The following RIMS2 variants were observed in gnomAD, a reference collection of about 807,000 sequenced individuals.
The protein encoded by RIMS2 is regulating synaptic membrane exocytosis 2.
Under a neutral mutation model 174.4 loss-of-function variants are expected in RIMS2, and 59 were observed. That is an observed-to-expected ratio of 0.34 (90% CI 0.27 to 0.42). The LOEUF is 0.42. RIMS2 is among the 10% of genes least tolerant of loss of function. The pLI is 1.00. For synonymous variants in RIMS2, 606 were observed against 572.5 expected (o/e 1.06, Z -0.84); for missense variants, 1,620 against 1,666.3 (o/e 0.97, Z 0.48).
chr8:103,946,451 C>G (rs1407721993), intron 14 of RIMS2, among the ~76,000 whole-genome samples: 1 of 152,070 alleles, frequency 6.6e-6, no homozygotes, highest in Non-Finnish European at 1.5e-5. Flanking sequence ...AAAATCATGC[C>G]ACTGCACTCC....
At chr8:103,916,739 T>C (rs1186080068) in intron 8 of RIMS2, among the ~76,000 whole-genome samples, 1 of 152,130 alleles carries the variant, frequency 6.6e-6, no homozygotes, top group African/African-American at 2.4e-5. Context: ...GAATATATAG[T>C]TAATTACAAA....
chr8:103,600,190 G>A, intron 1 of RIMS2, among the ~76,000 whole-genome samples: 1 of 152,150 alleles, frequency 6.6e-6, no homozygotes, highest in East Asian at 1.9e-4. Flanking sequence ...TTGCATCCAT[G>A]TTGTTGCAGA....
intron 19 of RIMS2, among the ~76,000 whole-genome samples, chr8:104,106,133 T>C (rs1351277709): frequency 6.6e-6 from 1 of 151,632 alleles, no homozygotes; most frequent in Non-Finnish European, 1.5e-5. Context: ...TCTCACTATG[T>C]TACCTACCCA....
At chr8:103,884,528 A>G (rs1385843371) in intron 3 of RIMS2, among the ~76,000 whole-genome samples, 2 of 151,860 alleles carry the variant, frequency 1.3e-5, no homozygotes, top group African/African-American at 4.8e-5. Context: ...TGAGAAGGTA[A>G]TAAGCAGTTT....
chr8:104,014,001 G>C (rs1022062833), intron 18 of RIMS2, among the ~76,000 whole-genome samples: 1 of 151,934 alleles, frequency 6.6e-6, no homozygotes. Context: ...TCTTTCTATC[G>C]ATACTAATAT....
intron 19 of RIMS2, among the ~76,000 whole-genome samples, chr8:104,083,219 G>A (rs2097459573): frequency 6.6e-6 from 1 of 152,106 alleles, no homozygotes; most frequent in South Asian, 2.1e-4. Flanking sequence ...AGTTATTCAG[G>A]CTATTATTTA....
chr8:103,829,359 A>G (rs1361208178), intron 3 of RIMS2, among the ~76,000 whole-genome samples: 2 of 152,206 alleles, frequency 1.3e-5, no homozygotes, highest in African/African-American at 4.8e-5. Flanking sequence ...CAATCCCATT[A>G]CTGGGTATAT....
intron 1 of RIMS2, among the ~76,000 whole-genome samples, chr8:103,561,074 T>G (rs2091507739): frequency 6.6e-6 from 1 of 152,210 alleles, no homozygotes. Flanking sequence ...AAATAATTGG[T>G]CATGAGCTTT....
intron 3 of RIMS2, among the ~76,000 whole-genome samples, chr8:103,789,289 T>A: frequency 6.6e-6 from 1 of 151,994 alleles, no homozygotes; most frequent in East Asian, 1.9e-4. Context: ...CCATCTTGGC[T>A]CCTCCCCAGC....
intron 19 of RIMS2, among the ~76,000 whole-genome samples, chr8:104,172,491 G>A (rs934837238): frequency 8.5e-5 from 13 of 152,172 alleles, no homozygotes; most frequent in African/African-American, 3.1e-4. Context: ...GATAAATAAA[G>A]TTTGTCAGAA....
In RIMS2 at chr8:104,224,085, G is replaced by A. The variant is rs1213174872; in HGVS notation, c.3335-20831G>A. 2.0e-5 allele frequency among the ~76,000 whole-genome samples: 3 copies of A among 152,228 alleles called. No individual in the cohort carries two copies. The East Asian group carries it at 5.8e-4, about 29-fold the overall frequency. On this transcript the variant is annotated intron_variant, in intron 19 of 23. Transcript: ENST00000504942. ...GTAAACTGGTGGGAGGCAAGGCGGCGCCTCTTCGGTGCACCCCACTCTGTT... is the reference window on the plus strand; with the variant it reads ...GTAAACTGGTGGGAGGCAAGGCGGCACCTCTTCGGTGCACCCCACTCTGTT...
intron 19 of RIMS2, among the ~76,000 whole-genome samples, chr8:104,220,109 G>T (rs530817689): frequency 6.6e-6 from 1 of 152,118 alleles, no homozygotes; most frequent in Non-Finnish European, 1.5e-5. Context: ...TTCAAGACTA[G>T]AAGTCTCTGG....
In RIMS2 at chr8:103,885,867, C is replaced by G. The variant is rs371004236; in HGVS notation, c.1268C>G (p.Ser423Cys). Residue 423 changes from serine to cysteine, a missense_variant, in exon 4 of 24, where the codon TCT (serine) becomes TGT (cysteine). This residue lies in a region of RIMS2 where 1,395 missense variants were observed against 1,360.1 expected (regional missense o/e 1.03). Coordinates refer to ENST00000504942, the Ensembl canonical transcript of RIMS2. Reference sequence around the variant, plus strand: ...ACTCGAGAGGCTCAGGGACCAAGTTCTTATGCACAAAGGACCACAAACCAT... The same window carrying G: ...ACTCGAGAGGCTCAGGGACCAAGTTGTTATGCACAAAGGACCACAAACCAT... The G allele has an allele frequency of 8.7e-6, 14 of 1,612,774 alleles. No homozygotes were observed. The African/African-American group carries it at 1.6e-4, about 18-fold the overall frequency.
intron 1 of RIMS2, among the ~76,000 whole-genome samples, chr8:103,574,002 A>G (rs576839670): frequency 3.3e-5 from 5 of 151,750 alleles, no homozygotes; most frequent in Non-Finnish European, 7.4e-5. Flanking sequence ...GCATGTCAGT[A>G]TTGTATTTAT....
At position 104,151,518 on chromosome 8, in the gene RIMS2, G is replaced by A. The variant is rs536496895; in HGVS notation, c.3335-93398G>A. Among the ~76,000 whole-genome samples the A allele has an allele frequency of 8.9e-4, 136 of 152,106 alleles. No homozygotes were observed. The East Asian group carries it at 0.013, about 15-fold the overall frequency. On this transcript the variant is annotated intron_variant, in intron 19 of 23. Coordinates refer to ENST00000504942, the Ensembl canonical transcript of RIMS2. ...CAGGAGACAGAGGTTACAGTGAGCCGAGATTGGCTGCTGCCCTCCAGCCTG... is the reference window on the plus strand; with the variant it reads ...CAGGAGACAGAGGTTACAGTGAGCCAAGATTGGCTGCTGCCCTCCAGCCTG...
intron 1 of RIMS2, among the ~76,000 whole-genome samples, chr8:103,556,653 T>A (rs1470894507): frequency 6.6e-6 from 1 of 152,194 alleles, no homozygotes; most frequent in Non-Finnish European, 1.5e-5. Flanking sequence ...ATCAATTTAC[T>A]CATAGAACTC....
At chr8:103,659,184 G>A (rs974814976) in intron 1 of RIMS2, among the ~76,000 whole-genome samples, 5 of 152,152 alleles carry the variant, frequency 3.3e-5, no homozygotes, top group Non-Finnish European at 5.9e-5. Context: ...AGTTGATATG[G>A]AGGCAGTCAC....
At chr8:104,083,107 G>T (rs1273745604) in intron 19 of RIMS2, among the ~76,000 whole-genome samples, 4 of 152,116 alleles carry the variant, frequency 2.6e-5, no homozygotes, top group Non-Finnish European at 5.9e-5. Context: ...GGAGTAGTGG[G>T]CCTCTTCAGA....
chr8:103,891,288 A>G (rs920070862), intron 4 of RIMS2, among the ~76,000 whole-genome samples: 42 of 152,032 alleles, frequency 2.8e-4, no homozygotes, highest in Middle Eastern at 3.2e-3. Context: ...TCTGTAGATT[A>G]TGGCCAAAAA....
Sources: allele counts gnomAD v4.1 joint callset (sites outside exome capture counted in the v4.1 genomes callset), GRCh38; gene constraint gnomAD v4.1.1; regional missense constraint gnomAD v4.1.1; transcripts MANE v1.5; gene names NCBI Gene and HGNC (gene_info 2026-07-23, HGNC 2026-07-21).